Variants in TENT4A observed in about 807,000 individuals in gnomAD.
TENT4A encodes the protein terminal nucleotidyltransferase 4A.
A neutral mutation model predicts 72.8 loss-of-function variants in TENT4A; 7 were observed. The observed-to-expected ratio is 0.10, with a 90% CI of 0.05 to 0.18. The LOEUF is 0.18. Among genes scored for constraint, TENT4A ranks in the 10% least tolerant of loss-of-function variants. The pLI, the probability that TENT4A is intolerant of heterozygous loss-of-function variation, is 1.00. For missense variants in TENT4A, 831 were observed against 1,017.7 expected (o/e 0.82, Z 2.50); for synonymous variants, 456 against 434.3 (o/e 1.05, Z -0.62).
chr5:6,752,719 A>G (rs781006853), intron 11 of TENT4A, among the ~76,000 whole-genome samples, 154 bp from the exon 12 acceptor site: 6 of 152,214 alleles, frequency 3.9e-5, no homozygotes, highest in South Asian at 2.1e-4. Context: ...TCAAAGCACA[A>G]TATTGTTAGG....
intron 1 of TENT4A, among the ~76,000 whole-genome samples, chr5:6,727,152 C>T (rs967911112): frequency 2.6e-5 from 4 of 152,216 alleles, no homozygotes; most frequent in African/African-American, 9.6e-5. Context: ...CTTTCTGATC[C>T]CTGGCTCCTG....
intron 1 of TENT4A, among the ~76,000 whole-genome samples, chr5:6,718,224 C>T (rs1740478980): frequency 6.6e-6 from 1 of 152,270 alleles, no homozygotes; most frequent in Non-Finnish European, 1.5e-5. Flanking sequence ...CCATGCCCCG[C>T]AAGGCGTCTG....
At position 6,754,746 on chromosome 5, in the gene TENT4A, T is replaced by C; in HGVS notation, c.2185-5T>C. On this transcript the variant is annotated splice_polypyrimidine_tract_variant and splice_region_variant and intron_variant, in intron 12 of 12. Transcript: ENST00000230859. ...TCCAACACTGCTGTCTCTCTCTTTCTCCAGCAGCACAACGGCATGAAACTG... is the reference window on the plus strand; with the variant it reads ...TCCAACACTGCTGTCTCTCTCTTTCCCCAGCAGCACAACGGCATGAAACTG... 1 of 1,566,306 alleles carries C rather than the reference T, an allele frequency of 6.4e-7. No homozygotes were observed. The highest frequency in any genetic ancestry group is 8.7e-7 in the Non-Finnish European group (1 of 1,147,076).
intron 1 of TENT4A, among the ~76,000 whole-genome samples, chr5:6,725,589 G>C (rs1740878255): frequency 6.6e-6 from 1 of 152,238 alleles, no homozygotes; most frequent in African/African-American, 2.4e-5. Flanking sequence ...ACTGCCATTT[G>C]CTGATTGCTT....
At chr5:6,730,943 C>A (rs1290969101) in intron 1 of TENT4A, among the ~76,000 whole-genome samples, 1 of 152,124 alleles carries the variant, frequency 6.6e-6, no homozygotes, top group Admixed American at 6.5e-5. Flanking sequence ...TGCAGTCATT[C>A]CCTCATTATG....
intron 4 of TENT4A, among the ~76,000 whole-genome samples, chr5:6,740,835 C>G (rs1358747479): frequency 5.3e-5 from 8 of 152,226 alleles, no homozygotes; most frequent in South Asian, 2.1e-4. Flanking sequence ...TGGCCGGCCA[C>G]TTTCTCAAAT....
intron 1 of TENT4A, among the ~76,000 whole-genome samples, chr5:6,727,360 G>A (rs146708519): frequency 2.1e-4 from 32 of 152,350 alleles, no homozygotes; most frequent in Non-Finnish European, 3.8e-4. Flanking sequence ...AGGAGGCAGT[G>A]GGGCCTTTGC....
intron 11 of TENT4A, among the ~76,000 whole-genome samples, chr5:6,751,764 A>C (rs1218814911): frequency 6.6e-6 from 1 of 152,274 alleles, no homozygotes; most frequent in Non-Finnish European, 1.5e-5. Context: ...TCACTTGAAT[A>C]TGTGTGGGTA....
intron 1 of TENT4A, among the ~76,000 whole-genome samples, chr5:6,716,101 C>G (rs1362763314): frequency 6.6e-6 from 1 of 152,164 alleles, no homozygotes; most frequent in African/African-American, 2.4e-5. Context: ...TGGGTTGTAC[C>G]TCTGCTCTTA....
intron 12 of TENT4A, 121 bp from the exon 13 acceptor site, chr5:6,754,630 C>G: frequency 1.6e-6 from 1 of 606,526 alleles, no homozygotes; most frequent in Non-Finnish European, 2.7e-6. Context: ...TCCCAGAGGG[C>G]AGGTGTCCAT....
chr5:6,725,330 A>G (rs1274854754), intron 1 of TENT4A, among the ~76,000 whole-genome samples: 1 of 151,718 alleles, frequency 6.6e-6, no homozygotes, highest in Non-Finnish European at 1.5e-5. Flanking sequence ...CAAAAAAAGA[A>G]AAAAAAAAGA....
chr5:6,716,451 C>T (rs1222914997), intron 1 of TENT4A, among the ~76,000 whole-genome samples: 3 of 152,198 alleles, frequency 2.0e-5, no homozygotes, highest in African/African-American at 4.8e-5. Flanking sequence ...TCTCTCCACA[C>T]CTCATCCTCC....
At chr5:6,751,419 C>T (rs1007146983) in intron 11 of TENT4A, 10 of 506,418 alleles carry the variant, frequency 2.0e-5, no homozygotes, top group Admixed American at 3.6e-5. Flanking sequence ...TGAGTGCTGC[C>T]GTGGCTTTTC....
intron 1 of TENT4A, among the ~76,000 whole-genome samples, chr5:6,731,915 T>A (rs1472180271): frequency 6.6e-6 from 1 of 152,244 alleles, no homozygotes; most frequent in Non-Finnish European, 1.5e-5. Flanking sequence ...AAGTGTTTGG[T>A]GTGCTTCTTC....
In TENT4A at chr5:6,750,476, T is replaced by C. The variant is rs1286710397; in HGVS notation, c.1833T>C (p.Ser611=). 1.9e-6 allele frequency: 3 copies of C among 1,604,604 alleles called. No individual in the cohort carries two copies. The highest frequency in any genetic ancestry group is 2.6e-6 in the Non-Finnish European group (3 of 1,176,006). The change falls in exon 10 of 13, where the codon TCT becomes TCC. Residue 611 remains serine (S), a synonymous_variant. Transcript: ENST00000230859. ...QLLSSGSSAS[S]VSSLSGSDVD... ...TGTCTTCAGGCTCCTCGGCCTCTTCTGTGTCTTCACTTTCTGGGAGTGACG... is the reference window on the plus strand; with the variant it reads ...TGTCTTCAGGCTCCTCGGCCTCTTCCGTGTCTTCACTTTCTGGGAGTGACG...
rs368847076 is a variant in TENT4A at position 6,750,393 on chromosome 5, G to A, written c.1750G>A (p.Glu584Lys). 34 of 1,613,156 alleles carry A rather than the reference G, an allele frequency of 2.1e-5. No homozygotes were observed. The highest frequency in any genetic ancestry group is 1.6e-4 in the Middle Eastern group (1 of 6,080). ...CAATGGGGAGCAGACGCAGAACCGAGAGCCCGAGTCTCCCTATGGCCAGCG... is the reference window on the plus strand; with the variant it reads ...CAATGGGGAGCAGACGCAGAACCGAAAGCCCGAGTCTCCCTATGGCCAGCG... ...TCNGEQTQNR[E>K]PESPYGQRLT... Residue 584 changes from glutamate to lysine, a missense_variant, in exon 10 of 13, where the codon GAG (glutamate) becomes AAG (lysine). Physicochemically the swap from Glu to Lys is moderately conservative, Grantham distance 56 (BLOSUM62 1). Around this residue, in one of 3 missense-constraint regions of TENT4A, gnomAD observed 332 missense variants for 324.3 expected, o/e 1.02. Transcript: ENST00000230859.
rs1227184757 is a variant in TENT4A at position 6,754,762 on chromosome 5, C to T, written c.2196C>T (p.Gly732=). Residue 732 remains glycine (G), a synonymous_variant, in exon 13 of 13, where the codon GGC becomes GGT. Coordinates refer to ENST00000230859, the MANE Select transcript of TENT4A (RefSeq NM_006999.6). The stretch of plus-strand genomic sequence containing the variant: ...CTCTCTTTCTCCAGCAGCACAACGG[C>T]ATGAAACTGTCCATGAAGGGCTCTC... The part of the protein sequence containing the change: ...SPHLYHKQHN[G]MKLSMKGSHG... 1.3e-6 allele frequency: 2 copies of T among 1,580,642 alleles called. No homozygotes were observed. The highest frequency in any genetic ancestry group is 1.7e-6 in the Non-Finnish European group (2 of 1,155,122).
At chr5:6,730,069 G>A (rs1368320745) in intron 1 of TENT4A, among the ~76,000 whole-genome samples, 1 of 149,192 alleles carries the variant, frequency 6.7e-6, no homozygotes, top group Non-Finnish European at 1.5e-5. Context: ...TGTTCTGAGG[G>A]GAAGAGAAGA....
chr5:6,722,706 G>T (rs1225797499), intron 1 of TENT4A, among the ~76,000 whole-genome samples: 1 of 151,806 alleles, frequency 6.6e-6, no homozygotes, highest in Admixed American at 6.6e-5. Context: ...GTTGGTTAAG[G>T]TTTTTTTATT....
Sources: gnomAD v4.1 joint callset for allele counts (sites outside exome capture counted in the v4.1 genomes callset) on GRCh38, gnomAD v4.1.1 for gene constraint, gnomAD v4.1.1 regional missense constraint, MANE v1.5 for transcripts, NCBI Gene and HGNC (gene_info 2026-07-23, HGNC 2026-07-21) for gene names.